Variants in TMEM178B observed in about 807,000 individuals in gnomAD.
TMEM178B encodes the protein transmembrane protein 178B.
TMEM178B carries 5 observed loss-of-function variants against 31.0 expected under a neutral mutation model. That is an observed-to-expected ratio of 0.16 (90% CI 0.08 to 0.34). The LOEUF is 0.34. Among genes scored for constraint, TMEM178B ranks in the 10% least tolerant of loss-of-function variants. The pLI, the probability that TMEM178B is intolerant of heterozygous loss-of-function variation, is 1.00. For synonymous variants in TMEM178B, 164 were observed against 164.0 expected (o/e 1.00, Z 0.00); for missense variants, 275 against 400.3 (o/e 0.69, Z 2.67).
chr7:141,327,486 C>T (rs1253122317), intron 2 of TMEM178B, among the ~76,000 whole-genome samples: 1 of 152,134 alleles, frequency 6.6e-6, no homozygotes, highest in Non-Finnish European at 1.5e-5. Flanking sequence ...ACATTATTAT[C>T]ACTCAAAGTC....
At chr7:141,465,747 C>T (rs1802138335) in intron 3 of TMEM178B, among the ~76,000 whole-genome samples, 1 of 152,150 alleles carries the variant, frequency 6.6e-6, no homozygotes, top group Admixed American at 6.5e-5. Context: ...GGTGTGGTGG[C>T]TCACATTTAT....
chr7:141,193,422 G>T (rs1796729097), intron 1 of TMEM178B, among the ~76,000 whole-genome samples: 1 of 152,234 alleles, frequency 6.6e-6, no homozygotes. Context: ...ATGCAGAGGA[G>T]TTGGGCAGCC....
chr7:141,446,734 C>T (rs1801764782), intron 3 of TMEM178B, among the ~76,000 whole-genome samples: 1 of 152,120 alleles, frequency 6.6e-6, no homozygotes, highest in Admixed American at 6.5e-5. Context: ...ATTTTCTCAT[C>T]TATAAAAGAG....
intron 1 of TMEM178B, among the ~76,000 whole-genome samples, chr7:141,100,439 A>G (rs755190913): frequency 1.2e-4 from 18 of 152,214 alleles, no homozygotes; most frequent in Non-Finnish European, 2.2e-4. Flanking sequence ...AGCATTTTCT[A>G]TAACCAGCTT....
Position 141,450,984 on chromosome 7 carries a change from G to T in TMEM178B, c.634+13239G>T, listed in dbSNP as rs116984610. Among the ~76,000 whole-genome samples, 812 of 152,230 alleles carry T rather than the reference G, an allele frequency of 5.3e-3. 1 individual carries two copies. Among genetic ancestry groups the T allele is most frequent in the Non-Finnish European group, 8.6e-3 (584 of 68,024 alleles). ...AAAGGTTACTGGGAATGCCACCTGCGGTAAAGGGACAGGCCTCCAAAACAC... is the reference window on the plus strand; with the variant it reads ...AAAGGTTACTGGGAATGCCACCTGCTGTAAAGGGACAGGCCTCCAAAACAC... On this transcript the variant is annotated intron_variant, in intron 3 of 3. Transcript: ENST00000565468.
At chr7:141,240,339 T>C (rs540171800) in intron 2 of TMEM178B, among the ~76,000 whole-genome samples, 2 of 152,382 alleles carry the variant, frequency 1.3e-5, no homozygotes, top group South Asian at 2.1e-4. Flanking sequence ...ATTTGTTTTA[T>C]GTGCAGTACA....
chr7:141,448,037 A>C (rs952841991), intron 3 of TMEM178B, among the ~76,000 whole-genome samples: 1 of 151,384 alleles, frequency 6.6e-6, no homozygotes, highest in Admixed American at 6.6e-5. Flanking sequence ...TCTCGTCTCT[A>C]TTCTGCTTGT....
intron 2 of TMEM178B, among the ~76,000 whole-genome samples, chr7:141,436,875 A>T (rs1224896467): frequency 6.6e-6 from 1 of 152,130 alleles, no homozygotes; most frequent in Non-Finnish European, 1.5e-5. Flanking sequence ...GAAGGGCCTG[A>T]CTCAGAAAGC....
chr7:141,439,953 G>A (rs1801627421), intron 3 of TMEM178B, among the ~76,000 whole-genome samples: 1 of 152,262 alleles, frequency 6.6e-6, no homozygotes, highest in African/African-American at 2.4e-5. Flanking sequence ...GAAAGAGATT[G>A]TGTAATTCAC....
chr7:141,178,088 C>T (rs7786649), intron 1 of TMEM178B, among the ~76,000 whole-genome samples: 111,629 of 152,066 alleles, frequency 0.73, 41,635 homozygotes, highest in African/African-American at 0.84. Flanking sequence ...ACCGGTTATT[C>T]CTTTCCATGT....
chr7:141,418,598 T>G (rs531778261), intron 2 of TMEM178B, among the ~76,000 whole-genome samples: 1 of 152,316 alleles, frequency 6.6e-6, no homozygotes, highest in African/African-American at 2.4e-5. Context: ...CCTACACTTT[T>G]AGGTCATCTG....
chr7:141,270,740 G>A (rs887180659), intron 2 of TMEM178B, among the ~76,000 whole-genome samples: 3 of 152,116 alleles, frequency 2.0e-5, no homozygotes, highest in East Asian at 1.9e-4. Flanking sequence ...GCTAGCCTTC[G>A]CTGCTAAATG....
At chr7:141,177,641 A>G (rs1796455350) in intron 1 of TMEM178B, among the ~76,000 whole-genome samples, 1 of 152,164 alleles carries the variant, frequency 6.6e-6, no homozygotes, top group Non-Finnish European at 1.5e-5. Context: ...TATTGGGTGC[A>G]TATATATTTA....
intron 1 of TMEM178B, among the ~76,000 whole-genome samples, chr7:141,176,771 G>A (rs117571913): frequency 0.011 from 1,626 of 152,274 alleles, 20 homozygotes; most frequent in Non-Finnish European, 0.016. Flanking sequence ...TTCTCCAGTG[G>A]TAGTTTGTAT....
At chr7:141,098,646 T>C (rs1039578339) in intron 1 of TMEM178B, among the ~76,000 whole-genome samples, 1 of 152,208 alleles carries the variant, frequency 6.6e-6, no homozygotes, top group East Asian at 1.9e-4. Context: ...TCTTAGAGAT[T>C]TATTGTGAAG....
At chr7:141,172,341 C>T (rs954744630) in intron 1 of TMEM178B, among the ~76,000 whole-genome samples, 51 of 152,152 alleles carry the variant, frequency 3.4e-4, no homozygotes, top group African/African-American at 1.1e-3. Context: ...ATAGGGAGTA[C>T]CAGACTCCAT....
intron 2 of TMEM178B, among the ~76,000 whole-genome samples, chr7:141,410,779 C>T (rs1800972163): frequency 1.3e-5 from 2 of 152,268 alleles, no homozygotes; most frequent in African/African-American, 4.8e-5. Context: ...CATGCAATCT[C>T]TTGTTGCTGT....
rs1395301218 is a variant in TMEM178B at position 141,318,524 on chromosome 7, A to G, written c.496+105820A>G. The stretch of plus-strand genomic sequence containing the variant: ...AAAACTTTTCACTCACACTAAGGTA[A>G]ATACCATTTGTCACTCAATGAGAAA... On this transcript the variant is annotated intron_variant, in intron 2 of 3. Coordinates refer to ENST00000565468, the MANE Select transcript of TMEM178B (RefSeq NM_001195278.2). This position sits in a 1 kb window ranked among gnomAD's most constrained non-coding sequence, Gnocchi z 4.1. 2.6e-5 allele frequency among the ~76,000 whole-genome samples: 4 copies of G among 152,188 alleles called. No individual in the cohort carries two copies. Among genetic ancestry groups the G allele is most frequent in the African/African-American group, 9.7e-5 (4 of 41,444 alleles).
At position 141,480,304 on chromosome 7, in the gene TMEM178B, AAAT is replaced by A. The variant is rs1220292499; in HGVS notation, c.*9521_*9523del. The A allele has an allele frequency of 2.0e-5, 3 of 152,242 alleles. No individual in the cohort carries two copies. Among genetic ancestry groups the A allele is most frequent in the African/African-American group, 7.2e-5 (3 of 41,468 alleles). 9.4% of individuals were successfully genotyped at this position (152,242 alleles called of 1,614,324 possible). ...TAATTAAATGACTTGTTCATGGAAA[AAAT>A]AAATAATCTGTCAGTTGTGGAATGT... On this transcript the variant is annotated 3_prime_UTR_variant, in exon 4 of 4. Transcript: ENST00000565468.
Sources: gnomAD v4.1 joint callset for allele counts (sites outside exome capture counted in the v4.1 genomes callset) on GRCh38, gnomAD v4.1.1 for gene constraint, Gnocchi (gnomAD v3.1) non-coding constraint, MANE v1.5 for transcripts, NCBI Gene and HGNC (gene_info 2026-07-23, HGNC 2026-07-21) for gene names.